GALNT9: variants seen among roughly 807,000 people sequenced by gnomAD.
GALNT9 encodes the protein polypeptide N-acetylgalactosaminyltransferase 9, also known as GalNAc transferase 9.
Under a neutral mutation model 63.1 loss-of-function variants are expected in GALNT9, and 47 were observed. The ratio of observed to expected loss-of-function variants is 0.75; its 90% CI spans 0.59 to 0.95. The LOEUF (loss-of-function observed/expected upper bound fraction) is 0.95, where lower values mean the gene tolerates loss of function less well. Ranked by LOEUF, GALNT9 falls within the 40% of genes least tolerant of loss-of-function variation. GALNT9 has a pLI of 0.00. For synonymous variants in GALNT9, 396 were observed against 365.7 expected, an observed-to-expected ratio of 1.08 and a Z score of -0.94; for missense variants, 829 against 874.8, an observed-to-expected ratio of 0.95 and a Z score of 0.66.
rs1327575407 is a variant in GALNT9 at position 132,319,997 on chromosome 12, C to T, written c.238+8969G>A. On this transcript the variant is annotated intron_variant, in intron 1 of 10. Transcript: ENST00000328957. This position sits in a 1 kb window ranked among gnomAD's most constrained non-coding sequence, Gnocchi z 5.2. ...CGCTGGGTCACGCTATCCCCTCTGC[C>T]AGAACCACTGGGCCACTGGGTCCCG... Among the ~76,000 whole-genome samples, 1 of 152,224 alleles carries T rather than the reference C, an allele frequency of 6.6e-6. No homozygotes were observed. The highest frequency in any genetic ancestry group is 1.5e-5 in the Non-Finnish European group (1 of 68,034).
At chr12:132,213,460 A>C (rs1019079804) in intron 6 of GALNT9, among the ~76,000 whole-genome samples, 13 of 108,066 alleles carry the variant, frequency 1.2e-4, no homozygotes, top group South Asian at 3.9e-4. Flanking sequence ...TGTTACCCCC[A>C]CACACAGGCA....
intron 10 of GALNT9, 130 bp downstream of exon 10, chr12:132,197,662 G>A: frequency 1.4e-6 from 1 of 710,542 alleles, no homozygotes; most frequent in Non-Finnish European, 2.4e-6. Context: ...TCCAAGGCCC[G>A]GTCCCCTGAC....
At chr12:132,228,659 G>C (rs1056972392) in intron 6 of GALNT9, among the ~76,000 whole-genome samples, 142 of 152,220 alleles carry the variant, frequency 9.3e-4, no homozygotes, top group African/African-American at 2.9e-3. Context: ...GGGGTCTCGA[G>C]GGTCCAGGAG....
At chr12:132,230,965 C>A (rs1022892463) in intron 6 of GALNT9, among the ~76,000 whole-genome samples, 6,106 of 151,946 alleles carry the variant, frequency 0.04, 151 homozygotes, top group Middle Eastern at 0.085. Flanking sequence ...AGAGACTCAC[C>A]CTAGTGCCAC....
At chr12:132,230,114 C>G (rs1268960697) in intron 6 of GALNT9, among the ~76,000 whole-genome samples, 5 of 152,252 alleles carry the variant, frequency 3.3e-5, no homozygotes, top group African/African-American at 1.2e-4. Context: ...GTAATTCCAG[C>G]CTGGGCCACC....
rs151024592 is a variant in GALNT9 at position 132,240,816 on chromosome 12, C to G, written c.1077+7094G>C. 5.3e-3 allele frequency: 2,204 copies of G among 415,994 alleles called. 99 individuals carry two copies. The highest frequency in any genetic ancestry group is 0.041 in the African/African-American group (1,874 of 45,474). 25.8% of individuals were successfully genotyped at this position (415,994 alleles called of 1,614,324 possible). On this transcript the variant is annotated intron_variant, in intron 6 of 10. Coordinates refer to ENST00000328957, the MANE Select transcript of GALNT9 (RefSeq NM_001122636.2). ...TTTACACACATGCCACACACCCTTC[C>G]CAAGGCCGTCCCTATACCCATTACA... is the stretch of plus-strand genomic sequence containing the variant.
chr12:132,260,544 C>T (rs1555239620), intron 4 of GALNT9, among the ~76,000 whole-genome samples: 1 of 152,244 alleles, frequency 6.6e-6, no homozygotes, highest in African/African-American at 2.4e-5. Context: ...CGGACTTCTG[C>T]ACCTTAGCCC....
At chr12:132,251,120 C>A (rs1555238514) in intron 5 of GALNT9, among the ~76,000 whole-genome samples, 1 of 152,170 alleles carries the variant, frequency 6.6e-6, no homozygotes, top group Non-Finnish European at 1.5e-5. Flanking sequence ...GACCGGCACA[C>A]GGTACACGTA....
chr12:132,295,181 T>G (rs545207097), intron 1 of GALNT9, among the ~76,000 whole-genome samples: 1 of 152,264 alleles, frequency 6.6e-6, no homozygotes, highest in Non-Finnish European at 1.5e-5. Context: ...AGCGGGGCCT[T>G]CAGACGGGCA....
intron 6 of GALNT9, among the ~76,000 whole-genome samples, chr12:132,226,609 CCCCACT>C (rs1877699970): frequency 6.8e-6 from 1 of 146,250 alleles, no homozygotes; most frequent in Non-Finnish European, 1.5e-5. Flanking sequence ...ACACCCCACA[CCCCACT>C]GTATATACAC....
At chr12:132,250,286 G>C (rs559273827) in intron 5 of GALNT9, among the ~76,000 whole-genome samples, 69 of 152,310 alleles carry the variant, frequency 4.5e-4, no homozygotes, top group Non-Finnish European at 7.8e-4. Context: ...GGGCTGGGGC[G>C]GGGGGAACGG....
rs142257678 is a variant in GALNT9, at chr12:132,290,458, T to C, written c.239-4028A>G. 3.9e-3 allele frequency among the ~76,000 whole-genome samples: 595 copies of C among 152,250 alleles called. 4 individuals carry two copies. The highest frequency in any genetic ancestry group is 0.014 in the African/African-American group (562 of 41,524). On this transcript the variant is annotated intron_variant, in intron 1 of 10. Coordinates refer to ENST00000328957, the MANE Select transcript of GALNT9 (RefSeq NM_001122636.2). Reference sequence around the variant, plus strand: ...CCACCCAACAGGCTGTTCTCTGTGCTGTCCTCTGCCCAGTCCAGGAATAGA... The same window carrying C: ...CCACCCAACAGGCTGTTCTCTGTGCCGTCCTCTGCCCAGTCCAGGAATAGA...
chr12:132,272,498 CT>C (rs1208502279), intron 2 of GALNT9, among the ~76,000 whole-genome samples: 1 of 152,338 alleles, frequency 6.6e-6, no homozygotes, highest in African/African-American at 2.4e-5. Flanking sequence ...TCTTTCTGGA[CT>C]TTTCTGTGTT....
At position 132,327,587 on chromosome 12, in the gene GALNT9, G is replaced by T. The variant is rs1239062798; in HGVS notation, c.238+1379C>A. 6.6e-6 allele frequency among the ~76,000 whole-genome samples: 1 copy of T among 152,152 alleles called. No individual in the cohort carries two copies. The highest frequency in any genetic ancestry group is 1.5e-5 in the Non-Finnish European group (1 of 68,042). On this transcript the variant is annotated intron_variant, in intron 1 of 10. Transcript: ENST00000328957. This position sits in a 1 kb window ranked among gnomAD's most constrained non-coding sequence, Gnocchi z 4.3. ...GCTATTGCCGGGCACACCGCCTTCC[G>T]GGAGATGAATTGCTCTGCCGGGCGG...
In GALNT9 at chr12:132,286,173, G is replaced by A. The variant is rs1880580121; in HGVS notation, c.419+77C>T. 1.4e-6 allele frequency: 2 copies of A among 1,420,402 alleles called. No individual in the cohort carries two copies. Among genetic ancestry groups the A allele is most frequent in the Non-Finnish European group, 1.9e-6 (2 of 1,073,296 alleles). 88.0% of individuals were successfully genotyped at this position (1,420,402 alleles called of 1,614,324 possible). A position where few individuals can be genotyped will look rare whatever the true frequency, so the allele number is the denominator to read the frequency against. On this transcript the variant is annotated intron_variant, in intron 2 of 10. Transcript: ENST00000328957. This position sits in a 1 kb window ranked among gnomAD's most constrained non-coding sequence, Gnocchi z 7.4. ...ACTTCCCCGGCCGGCGTGGGGGGCA[G>A]TCACTTCCCTGGCCAGTGTGGGGGG...
At chr12:132,320,509 G>A (rs1389908222) in intron 1 of GALNT9, among the ~76,000 whole-genome samples, 1 of 152,252 alleles carries the variant, frequency 6.6e-6, no homozygotes, top group Non-Finnish European at 1.5e-5. Flanking sequence ...AATAAGTGAT[G>A]GATTGGCACC....
chr12:132,320,771 C>A (rs1249620181), intron 1 of GALNT9, among the ~76,000 whole-genome samples: 3 of 152,266 alleles, frequency 2.0e-5, no homozygotes, highest in African/African-American at 7.2e-5. Flanking sequence ...ATCAGCCCAC[C>A]CTCATCTCAG....
intron 6 of GALNT9, among the ~76,000 whole-genome samples, chr12:132,226,138 A>C (rs1877673143): frequency 7.0e-6 from 1 of 141,854 alleles, no homozygotes; most frequent in Non-Finnish European, 1.5e-5. Context: ...CACACTGTAC[A>C]TACACACCCC....
At chr12:132,255,186 G>T (rs1218833720) in intron 5 of GALNT9, among the ~76,000 whole-genome samples, 1 of 152,144 alleles carries the variant, frequency 6.6e-6, no homozygotes, top group African/African-American at 2.4e-5. Flanking sequence ...AAGCCCCTTA[G>T]ACTCTCCTCC....
Sources: allele counts gnomAD v4.1 joint callset (sites outside exome capture counted in the v4.1 genomes callset), GRCh38; gene constraint gnomAD v4.1.1; non-coding constraint Gnocchi (gnomAD v3.1); transcripts MANE v1.5; gene names NCBI Gene and HGNC (gene_info 2026-07-23, HGNC 2026-07-21).